Variants in PATE3 observed in about 807,000 individuals in gnomAD.
PATE3 encodes prostate and testis expressed 3.
PATE3 carries 7 observed loss-of-function variants against 7.4 expected under a neutral mutation model. The ratio of observed to expected loss-of-function variants is 0.95; its 90% confidence interval spans 0.54 to 1.78. The LOEUF (loss-of-function observed/expected upper bound fraction) is 1.78, where lower values mean the gene tolerates loss of function less well. PATE3 is among the 40% of genes most tolerant of loss of function. The pLI is 0.00. For synonymous variants in PATE3, 38 were observed against 40.2 expected (o/e 0.94, Z 0.21); for missense variants, 117 against 122.5 (o/e 0.96, Z 0.21).
intron 1 of PATE3, 109 bp from the exon 2 acceptor site, chr11:125,789,277 T>C (rs1943590019): frequency 1.7e-6 from 2 of 1,170,806 alleles, no homozygotes; most frequent in Non-Finnish European, 2.4e-6. Flanking sequence ...TAGCTCTTCA[T>C]CTGCCTGCCC....
chr11:125,790,370 C>T (rs769162592), intron 2 of PATE3, 108 bp from the exon 3 acceptor site: 541 of 1,163,398 alleles, frequency 4.7e-4, no homozygotes, highest in Non-Finnish European at 5.8e-4. Context: ...GAAGCCATTC[C>T]TCAACCTACC....
Position 125,790,682 on chromosome 11 carries a change from C to T in PATE3, c.*80C>T, listed in dbSNP as rs1943603373. ...TCACACTCTGCTGGCCCTTGCTTCC[C>T]TTCCGTGTCTGTCCTGACAATACCC... On this transcript the variant is annotated 3_prime_UTR_variant, in exon 3 of 3. Coordinates refer to ENST00000445202, the MANE Select transcript of PATE3 (RefSeq NM_001129883.4). 1 of 1,411,200 alleles carries T rather than the reference C, an allele frequency of 7.1e-7. No individual in the cohort carries two copies. The highest frequency in any genetic ancestry group is 9.6e-7 in the Non-Finnish European group (1 of 1,042,210). The allele number at this position is 1,411,200 out of a possible 1,614,324, so 87.4% of individuals were successfully genotyped here.
chr11:125,789,358 T>C lies in PATE3; in HGVS notation c.50-28T>C, dbSNP rs1943590638. The C allele has an allele frequency of 1.9e-6, 3 of 1,542,584 alleles. No homozygotes were observed. The South Asian group carries it at 3.6e-5, about 18-fold the overall frequency. ...ATCCCAAGTCCCTGCTTTTGCCTAGTCTCACACCATCTCTATGCTCTCTCC... is the reference window on the plus strand; with the variant it reads ...ATCCCAAGTCCCTGCTTTTGCCTAGCCTCACACCATCTCTATGCTCTCTCC... On this transcript the variant is annotated intron_variant, in intron 1 of 2. Coordinates refer to ENST00000445202, the MANE Select transcript of PATE3 (RefSeq NM_001129883.4).
In PATE3 at chr11:125,788,150, G is replaced by T; in HGVS notation, c.-2G>T. 2 of 1,551,350 alleles carry T rather than the reference G, an allele frequency of 1.3e-6. No homozygotes were observed. The highest frequency in any genetic ancestry group is 2.4e-5 in the South Asian group (2 of 84,036). ...TCCTGCACAAGGGATTTCCGGGTCAGGATGAACAAACACTTCTTGTTCCTC... is the reference window on the plus strand; with the variant it reads ...TCCTGCACAAGGGATTTCCGGGTCATGATGAACAAACACTTCTTGTTCCTC... On this transcript the variant is annotated 5_prime_UTR_variant, in exon 1 of 3. It adds an upstream start codon to the 5' untranslated region. Transcript: ENST00000445202.
Position 125,790,598 on chromosome 11 carries a change from TC to T in PATE3, c.294del (p.Ter99LysfsTer33). Reference sequence around the variant, plus strand: ...AACTACAATTACTGTAACTTTAAACTCTAAGATATTTGCCCTCCTGAGGTCT... The same window carrying T: ...AACTACAATTACTGTAACTTTAAACTTAAGATATTTGCCCTCCTGAGGTCT... Reference protein sequence around the residue: ...CCNYNYCNFKL With the variant: ...CCNYNYCNFKX On this transcript the variant is annotated frameshift_variant, in exon 3 of 3. Transcript: ENST00000445202. LOFTEE classifies it high-confidence loss of function. The T allele has an allele frequency of 6.4e-7, 1 of 1,551,232 alleles. No homozygotes were observed. Among genetic ancestry groups the T allele is most frequent in the Non-Finnish European group, 8.7e-7 (1 of 1,146,732 alleles).
chr11:125,789,431 C>A lies in PATE3; in HGVS notation c.95C>A (p.Thr32Lys), dbSNP rs767955009. Residue 32 changes from threonine to lysine, a missense_variant, in exon 2 of 3, where the codon ACA (threonine) becomes AAA (lysine). Physicochemically the swap from Thr to Lys is moderately conservative, Grantham distance 78 (BLOSUM62 -1). Coordinates refer to ENST00000445202, the MANE Select transcript of PATE3 (RefSeq NM_001129883.4). ...QCITCHLRTRTDRCRRGFGVC... is the reference protein window; with the variant it reads ...QCITCHLRTRKDRCRRGFGVC... ...ATAACATGCCACCTTCGCACACGGA[C>A]AGACCGCTGTAGAAGAGGCTTTGGT... The A allele has an allele frequency of 1.9e-6, 3 of 1,551,620 alleles. No homozygotes were observed. The highest frequency in any genetic ancestry group is 2.4e-5 in the South Asian group (2 of 84,052).
intron 1 of PATE3, among the ~76,000 whole-genome samples, chr11:125,788,447 C>T (rs868794794): frequency 6.6e-6 from 1 of 152,150 alleles, no homozygotes; most frequent in Non-Finnish European, 1.5e-5. Flanking sequence ...CCCTCTGTCC[C>T]TACCATTCCC....
At chr11:125,789,598 A>G (rs1943593057) in intron 2 of PATE3, 90 bp downstream of exon 2, 3 of 1,415,610 alleles carry the variant, frequency 2.1e-6, no homozygotes, top group East Asian at 5.1e-5. Flanking sequence ...AGAAGAACCA[A>G]TGCAGAATGC....
chr11:125,790,429 G>C, intron 2 of PATE3, 49 bp from the exon 3 acceptor site: 1 of 1,522,120 alleles, frequency 6.6e-7, no homozygotes, highest in Non-Finnish European at 8.8e-7. Flanking sequence ...GACTCACCTT[G>C]GAGAGCTTAA....
rs1484894912 is a variant in PATE3, at chr11:125,790,687, G to A, written c.*85G>A. On this transcript the variant is annotated 3_prime_UTR_variant, in exon 3 of 3. Transcript: ENST00000445202. ...CTCTGCTGGCCCTTGCTTCCCTTCC[G>A]TGTCTGTCCTGACAATACCCCTGCC... is the stretch of plus-strand genomic sequence containing the variant. 18 of 1,385,250 alleles carry A rather than the reference G, an allele frequency of 1.3e-5. No individual in the cohort carries two copies. The highest frequency in any genetic ancestry group is 2.8e-5 in the South Asian group (2 of 70,852). The allele number at this position is 1,385,250 out of a possible 1,614,324, so 85.8% of individuals were successfully genotyped here. A position where few individuals can be genotyped will look rare whatever the true frequency, so the allele number is the denominator to read the frequency against.
chr11:125,789,618 C>G lies in PATE3; in HGVS notation c.172+110C>G, dbSNP rs564638503. 29 of 1,268,504 alleles carry G rather than the reference C, an allele frequency of 2.3e-5. No homozygotes were observed. In the South Asian group the frequency reaches 4.4e-4, roughly 19 times the overall value. The allele number at this position is 1,268,504 out of a possible 1,614,324, so 78.6% of individuals were successfully genotyped here. A position where few individuals can be genotyped will look rare whatever the true frequency, so the allele number is the denominator to read the frequency against. On this transcript the variant is annotated intron_variant, in intron 2 of 2. Coordinates refer to ENST00000445202, the MANE Select transcript of PATE3 (RefSeq NM_001129883.4). Reference sequence around the variant, plus strand: ...AACCAATGCAGAATGCCCCTGAGCACAGGTGGTAGCACAGGTCCCTGTGCA... The same window carrying G: ...AACCAATGCAGAATGCCCCTGAGCAGAGGTGGTAGCACAGGTCCCTGTGCA...
chr11:125,790,673 C>A lies in PATE3; in HGVS notation c.*71C>A. The A allele has an allele frequency of 1.4e-6, 2 of 1,458,260 alleles. No individual in the cohort carries two copies. Among genetic ancestry groups the A allele is most frequent in the Non-Finnish European group, 1.9e-6 (2 of 1,080,210 alleles). 90.3% of individuals were successfully genotyped at this position (1,458,260 alleles called of 1,614,324 possible). A position where few individuals can be genotyped will look rare whatever the true frequency, so the allele number is the denominator to read the frequency against. On this transcript the variant is annotated 3_prime_UTR_variant, in exon 3 of 3. Coordinates refer to ENST00000445202, the MANE Select transcript of PATE3 (RefSeq NM_001129883.4). ...GCTCATCCTTCACACTCTGCTGGCC[C>A]TTGCTTCCCTTCCGTGTCTGTCCTG...
In PATE3 at chr11:125,790,613, C is replaced by T; in HGVS notation, c.*11C>T. ...AACTTTAAACTCTAAGATATTTGCC[C>T]TCCTGAGGTCTCGCTTTGGAATGTC... On this transcript the variant is annotated 3_prime_UTR_variant, in exon 3 of 3. Transcript: ENST00000445202. 6.5e-7 allele frequency: 1 copy of T among 1,549,256 alleles called. No homozygotes were observed. Among genetic ancestry groups the T allele is most frequent in the Non-Finnish European group, 8.7e-7 (1 of 1,145,770 alleles).
chr11:125,788,168 T>C lies in PATE3; in HGVS notation c.17T>C (p.Leu6Ser). 3.2e-6 allele frequency: 5 copies of C among 1,551,468 alleles called. No homozygotes were observed. Among genetic ancestry groups the C allele is most frequent in the Non-Finnish European group, 4.4e-6 (5 of 1,146,824 alleles). Residue 6 changes from leucine (L) to serine (S), a missense_variant, in exon 1 of 3, where the codon TTG becomes TCG. Transcript: ENST00000445202. MNKHF[L>S]FLFLLYCLIV... ...CGGGTCAGGATGAACAAACACTTCTTGTTCCTCTTCCTCCTTTACTGCCTC... is the reference window on the plus strand; with the variant it reads ...CGGGTCAGGATGAACAAACACTTCTCGTTCCTCTTCCTCCTTTACTGCCTC...
Position 125,791,046 on chromosome 11 carries a change from T to C in PATE3, c.*444T>C, listed in dbSNP as rs540711011. ...TAAATGGATGATGGATACTGAAGAT[T>C]TTTCTCTACGGACACCAAGTTATTT... On this transcript the variant is annotated 3_prime_UTR_variant, in exon 3 of 3. Transcript: ENST00000445202. The C allele has an allele frequency of 6.5e-6, 1 of 152,770 alleles. No individual in the cohort carries two copies. Among genetic ancestry groups the C allele is most frequent in the African/African-American group, 2.4e-5 (1 of 41,558 alleles). The allele number at this position is 152,770 out of a possible 1,614,324, so 9.5% of individuals were successfully genotyped here.
chr11:125,788,835 C>T lies in PATE3; in HGVS notation c.50-551C>T, dbSNP rs147051110. Among the ~76,000 whole-genome samples the T allele has an allele frequency of 4.8e-3, 737 of 152,232 alleles. 5 individuals carry two copies. Among genetic ancestry groups the T allele is most frequent in the African/African-American group, 0.017 (706 of 41,530 alleles). On this transcript the variant is annotated intron_variant, in intron 1 of 2. Coordinates refer to ENST00000445202, the MANE Select transcript of PATE3 (RefSeq NM_001129883.4). ...TGGGATGCTCAATCATTGCTACTTT[C>T]CTTTCTCATTCAGGTGCACTAGGGA... is the stretch of plus-strand genomic sequence containing the variant.
At chr11:125,789,275 C>T in intron 1 of PATE3, 111 bp from the exon 2 acceptor site, 2 of 1,139,340 alleles carry the variant, frequency 1.8e-6, no homozygotes, top group South Asian at 3.5e-5. Flanking sequence ...AGTAGCTCTT[C>T]ATCTGCCTGC....
At chr11:125,790,298 C>G (rs1260055448) in intron 2 of PATE3, among the ~76,000 whole-genome samples, 180 bp from the exon 3 acceptor site, 1 of 152,180 alleles carries the variant, frequency 6.6e-6, no homozygotes, top group East Asian at 1.9e-4. Context: ...CAAACAAGCC[C>G]TGCAGCTGAT....
intron 2 of PATE3, among the ~76,000 whole-genome samples, chr11:125,790,102 A>C (rs1295675846): frequency 6.6e-6 from 1 of 152,178 alleles, no homozygotes; most frequent in Non-Finnish European, 1.5e-5. Flanking sequence ...AATGTCATGG[A>C]GGTAGAGACT....
Sources: allele counts gnomAD v4.1 joint callset (sites outside exome capture counted in the v4.1 genomes callset), GRCh38; gene constraint gnomAD v4.1.1; transcripts MANE v1.5; gene names NCBI Gene and HGNC (gene_info 2026-07-23, HGNC 2026-07-21).